The following INPP4B variants were observed in gnomAD, a reference collection of about 807,000 sequenced individuals.
INPP4B encodes inositol polyphosphate 4-phosphatase type II.
A neutral mutation model predicts 122.5 loss-of-function variants in INPP4B; 55 were observed. The observed-to-expected ratio is 0.45, with a 90% confidence interval of 0.36 to 0.56. The LOEUF (loss-of-function observed/expected upper bound fraction) is 0.56. INPP4B is among the 20% of genes least tolerant of loss of function. The pLI, the probability that INPP4B is intolerant of heterozygous loss-of-function variation, is 0.00. For synonymous variants in INPP4B, 403 were observed against 388.7 expected (o/e 1.04, Z -0.43); for missense variants, 1,000 against 1,097.7 (o/e 0.91, Z 1.26).
At chr4:142,468,064 C>G (rs1818136023) in intron 2 of INPP4B, 1 of 152,104 alleles carries the variant, frequency 6.6e-6, no homozygotes, top group Non-Finnish European at 1.5e-5. Context: ...GCCTGAAAAA[C>G]CATGGACCAA....
At chr4:142,315,472 A>C (rs1047297665) in intron 7 of INPP4B, among the ~76,000 whole-genome samples, 2 of 152,084 alleles carry the variant, frequency 1.3e-5, no homozygotes, top group African/African-American at 4.8e-5. Flanking sequence ...TATAATCAAG[A>C]GACATGTATC....
At position 142,820,817 on chromosome 4, in the gene INPP4B, A is replaced by G. The variant is rs948044808; in HGVS notation, c.-254+25392T>C. ...CCCTTTGCTCCTTTTCTGTATGTAT[A>G]ATCAGTTGGCTTGCTTTTCTTGTTT... On this transcript the variant is annotated intron_variant, in intron 1 of 25. Coordinates refer to ENST00000262992, the MANE Select transcript of INPP4B (RefSeq NM_001101669.3). 4.6e-5 allele frequency among the ~76,000 whole-genome samples: 7 copies of G among 152,112 alleles called. No homozygotes were observed. In the South Asian group the frequency reaches 6.2e-4, roughly 14 times the overall value.
chr4:142,834,993 T>C (rs1177179023), intron 1 of INPP4B, among the ~76,000 whole-genome samples: 1 of 152,244 alleles, frequency 6.6e-6, no homozygotes, highest in Non-Finnish European at 1.5e-5. Flanking sequence ...AGCTCAATTA[T>C]CTAGCCTATG....
chr4:142,228,466 T>G lies in INPP4B; in HGVS notation c.836+9398A>C, dbSNP rs534916023. The stretch of plus-strand genomic sequence containing the variant: ...ATCAGTTCTTTTAAAAGTAATTTTG[T>G]TGTTGTTGTCACTGTTTAATTTTCT... On this transcript the variant is annotated intron_variant, in intron 12 of 25. Coordinates refer to ENST00000262992, the MANE Select transcript of INPP4B (RefSeq NM_001101669.3). Among the ~76,000 whole-genome samples the G allele has an allele frequency of 2.0e-5, 3 of 152,196 alleles. No individual in the cohort carries two copies. In the South Asian group the frequency reaches 6.2e-4, roughly 32 times the overall value.
chr4:142,479,445 C>T (rs1560704994), intron 2 of INPP4B, among the ~76,000 whole-genome samples: 1 of 152,144 alleles, frequency 6.6e-6, no homozygotes, highest in Non-Finnish European at 1.5e-5. Context: ...ATTGACCCAG[C>T]AGGCTCATTA....
intron 8 of INPP4B, among the ~76,000 whole-genome samples, chr4:142,314,267 T>G (rs1183043977): frequency 6.6e-6 from 1 of 152,146 alleles, no homozygotes; most frequent in African/African-American, 2.4e-5. Flanking sequence ...TTTTCCAACA[T>G]TGGACTGAAC....
intron 21 of INPP4B, among the ~76,000 whole-genome samples, chr4:142,117,301 A>T (rs1472289961): frequency 6.6e-6 from 1 of 152,102 alleles, no homozygotes; most frequent in Non-Finnish European, 1.5e-5. Context: ...ATCCTCCCTA[A>T]CTCACTTTAT....
intron 23 of INPP4B, among the ~76,000 whole-genome samples, chr4:142,106,309 C>A (rs1236692489): frequency 6.6e-6 from 1 of 152,086 alleles, no homozygotes; most frequent in Non-Finnish European, 1.5e-5. Flanking sequence ...GACAGAGTCT[C>A]ACTATGTCAC....
At chr4:142,432,476 A>G (rs547592092) in intron 3 of INPP4B, among the ~76,000 whole-genome samples, 1 of 152,168 alleles carries the variant, frequency 6.6e-6, no homozygotes, top group East Asian at 1.9e-4. Flanking sequence ...TAAGGATACA[A>G]TCAAGAATAT....
At chr4:142,673,494 C>G (rs550155985) in intron 2 of INPP4B, among the ~76,000 whole-genome samples, 2 of 151,656 alleles carry the variant, frequency 1.3e-5, no homozygotes, top group African/African-American at 4.8e-5. Context: ...GAGAATAATA[C>G]GTTTGCAACC....
At chr4:142,102,376 AT>A (rs1488457917) in intron 23 of INPP4B, among the ~76,000 whole-genome samples, 1 of 151,932 alleles carries the variant, frequency 6.6e-6, no homozygotes, top group Non-Finnish European at 1.5e-5. Flanking sequence ...TATGTTAATA[AT>A]TATTCTAAAA....
chr4:142,770,069 A>G (rs1421097763), intron 1 of INPP4B, among the ~76,000 whole-genome samples: 1 of 152,186 alleles, frequency 6.6e-6, no homozygotes, highest in Non-Finnish European at 1.5e-5. Context: ...TAGCTCTTTG[A>G]GCTCAGCCTA....
intron 3 of INPP4B, among the ~76,000 whole-genome samples, chr4:142,444,605 C>T (rs1289901368): frequency 1.3e-5 from 2 of 151,950 alleles, no homozygotes; most frequent in Non-Finnish European, 2.9e-5. Context: ...TGTGGCGATT[C>T]CTCAAGGATC....
At chr4:142,640,897 G>T (rs1750245959) in intron 2 of INPP4B, among the ~76,000 whole-genome samples, 1 of 152,090 alleles carries the variant, frequency 6.6e-6, no homozygotes, top group South Asian at 2.1e-4. Context: ...CAGCAGATTG[G>T]CTAAAATTTA....
At chr4:142,082,733 C>T (rs1466242809) in intron 24 of INPP4B, among the ~76,000 whole-genome samples, 1 of 152,110 alleles carries the variant, frequency 6.6e-6, no homozygotes, top group South Asian at 2.1e-4. Flanking sequence ...CTCATCAATA[C>T]TAAAAAGGAG....
intron 2 of INPP4B, among the ~76,000 whole-genome samples, chr4:142,690,971 C>T (rs1416343524): frequency 1.1e-4 from 17 of 152,126 alleles, no homozygotes; most frequent in Non-Finnish European, 2.2e-4. Flanking sequence ...ACTGCTATTT[C>T]AAGTTCTGAA....
intron 23 of INPP4B, among the ~76,000 whole-genome samples, chr4:142,103,162 C>G (rs959066100): frequency 6.6e-6 from 1 of 151,910 alleles, no homozygotes; most frequent in Non-Finnish European, 1.5e-5. Context: ...CACTTTCATC[C>G]TCATTCTTCT....
chr4:142,290,331 T>G (rs1378420956), intron 9 of INPP4B, among the ~76,000 whole-genome samples: 1 of 148,100 alleles, frequency 6.8e-6, no homozygotes, highest in South Asian at 2.2e-4. Flanking sequence ...CTCAGCCTCC[T>G]GAGTAGCTGG....
chr4:142,207,537 A>C (rs893301939), intron 14 of INPP4B, among the ~76,000 whole-genome samples: 3 of 152,158 alleles, frequency 2.0e-5, no homozygotes, highest in African/African-American at 7.2e-5. Context: ...ATGCATTTTC[A>C]TGTACTTACC....
Sources: allele counts gnomAD v4.1 joint callset (sites outside exome capture counted in the v4.1 genomes callset), GRCh38; gene constraint gnomAD v4.1.1; transcripts MANE v1.5; gene names NCBI Gene and HGNC (gene_info 2026-07-23, HGNC 2026-07-21).